MICA: variants seen among roughly 807,000 people sequenced by gnomAD.
The protein encoded by MICA is HLA class I antigen.
In MICA, 18 loss-of-function variants were observed where a neutral mutation model predicts 34.3. The ratio of observed to expected loss-of-function variants is 0.52; its 90% CI spans 0.36 to 0.78. The LOEUF is 0.78. MICA is among the 30% of genes least tolerant of loss of function. The probability of loss-of-function intolerance (pLI) is 0.00; values close to 1 mark genes in which losing one functional copy is unlikely to be tolerated. For synonymous variants in MICA, 135 were observed against 156.9 expected (o/e 0.86, Z 1.04); for missense variants, 333 against 409.4 (o/e 0.81, Z 1.61).
In MICA at chr6:31,410,549, A is replaced by G. The variant is rs1360935232; in HGVS notation, c.77A>G (p.His26Arg). 6.2e-7 allele frequency: 1 copy of G among 1,611,870 alleles called. No homozygotes were observed. The highest frequency in any genetic ancestry group is 8.5e-7 in the Non-Finnish European group (1 of 1,179,642). Reference protein sequence around the residue: ...FAPPGAAAEPHSLRYNLTVLS... With the variant: ...FAPPGAAAEPRSLRYNLTVLS... ...GTGATTTCCTCTTCCCCAGAGCCCC[A>G]CAGTCTTCGTTATAACCTCACGGTG... The change falls in exon 2 of 6, where the codon CAC (histidine) becomes CGC (arginine). Residue 26 changes from histidine (H) to arginine (R), a missense_variant. Coordinates refer to ENST00000449934, the MANE Select transcript of MICA (RefSeq NM_001177519.3).
At position 31,403,676 on chromosome 6, in the gene MICA, CT is replaced by C; in HGVS notation, c.48del (p.Phe16LeufsTer74). The part of the protein sequence containing the change: ...PVFLLLAGIF[P>X]FAPPGAAAEP... ...TTTCTGCTTCTGGCTGGCATCTTCC[CT>C]TTTGCACCTCCGGGAGCTGCTGCTG... is the stretch of plus-strand genomic sequence containing the variant. On this transcript the variant is annotated frameshift_variant, in exon 1 of 6. Coordinates refer to ENST00000449934, the MANE Select transcript of MICA (RefSeq NM_001177519.3). LOFTEE classifies it high-confidence loss of function. This position sits in a 1 kb window ranked among gnomAD's most constrained non-coding sequence, Gnocchi z 4.7. The C allele has an allele frequency of 1.3e-6, 2 of 1,533,994 alleles. No homozygotes were observed. Among genetic ancestry groups the C allele is most frequent in the Non-Finnish European group, 1.8e-6 (2 of 1,140,854 alleles).
chr6:31,410,894 C>T, intron 2 of MICA, 97 bp downstream of exon 2: 2 of 1,489,372 alleles, frequency 1.3e-6, no homozygotes, highest in Non-Finnish European at 1.8e-6. Context: ...GGATCTGGCT[C>T]AGGCTGGGGG....
rs772232658 is a variant in MICA, at chr6:31,412,490, G to A, written c.*29+30G>A. 59 of 1,410,148 alleles carry A rather than the reference G, an allele frequency of 4.2e-5. 1 individual carries two copies. The highest frequency in any genetic ancestry group is 5.2e-5 in the Non-Finnish European group (53 of 1,021,780). The allele number at this position is 1,410,148 out of a possible 1,614,324, so 87.4% of individuals were successfully genotyped here. ...GAAAAGCGGGCAGTTTCTGGAGATG[G>A]TAAGGCCCCTGTCTGGGCAGTAGGG... On this transcript the variant is annotated intron_variant, in intron 5 of 5. Transcript: ENST00000449934.
At chr6:31,409,315 G>A (rs1770939431) in intron 1 of MICA, among the ~76,000 whole-genome samples, 1 of 151,472 alleles carries the variant, frequency 6.6e-6, no homozygotes, top group Non-Finnish European at 1.5e-5. Flanking sequence ...TGCTCTGTGT[G>A]TGTGTGTATG....
chr6:31,415,271 CA>C lies in MICA; in HGVS notation c.*293del. 1 of 529,594 alleles carries C rather than the reference CA, an allele frequency of 1.9e-6. No homozygotes were observed. Among genetic ancestry groups the C allele is most frequent in the East Asian group, 3.6e-5 (1 of 27,608 alleles). The allele number at this position is 529,594 out of a possible 1,614,324, so 32.8% of individuals were successfully genotyped here. ...ACTTATTTATTGTTGTTGGAGGCTG[CA>C]AAATGTTAGTAGATATGAGGCATTT... On this transcript the variant is annotated 3_prime_UTR_variant, in exon 6 of 6. Coordinates refer to ENST00000449934, the MANE Select transcript of MICA (RefSeq NM_001177519.3).
upstream of MICA, among the ~76,000 whole-genome samples, chr6:31,403,247 T>C (rs1342298619): frequency 6.6e-6 from 1 of 151,644 alleles, no homozygotes; most frequent in Non-Finnish European, 1.5e-5. This position sits in a 1 kb window ranked among gnomAD's most constrained non-coding sequence, Gnocchi z 4.7. Context: ...CGAAAGGGGC[T>C]TGGTGAGGCC....
At chr6:31,410,425 C>T in intron 1 of MICA, 118 bp from the exon 2 acceptor site, 1 of 1,306,736 alleles carries the variant, frequency 7.7e-7, no homozygotes, top group Non-Finnish European at 1.0e-6. Context: ...TCGTTCTTGT[C>T]CCTTTGCCCG....
intron 1 of MICA, among the ~76,000 whole-genome samples, chr6:31,409,324 T>G (rs1199383699): frequency 6.6e-6 from 1 of 151,632 alleles, no homozygotes; most frequent in Non-Finnish European, 1.5e-5. Context: ...TGTGTGTGTA[T>G]GTGTGTGTGT....
intron 1 of MICA, among the ~76,000 whole-genome samples, chr6:31,409,799 T>G (rs115508479): frequency 6.6e-6 from 1 of 151,822 alleles, no homozygotes; most frequent in Non-Finnish European, 1.5e-5. Context: ...TTGTATATAG[T>G]GCAAATTAAG....
chr6:31,408,369 T>C (rs914654620), intron 1 of MICA, among the ~76,000 whole-genome samples: 1 of 152,004 alleles, frequency 6.6e-6, no homozygotes, highest in Non-Finnish European at 1.5e-5. Context: ...GTAAAATGAG[T>C]TTGGAAGTAT....
upstream of MICA, among the ~76,000 whole-genome samples, chr6:31,402,547 G>T (rs891579072): frequency 2.0e-5 from 3 of 151,836 alleles, no homozygotes; most frequent in African/African-American, 7.3e-5. Flanking sequence ...AACTGAGGCA[G>T]GCACCGTGTT....
chr6:31,412,941 G>A (rs6933939), intron 5 of MICA, among the ~76,000 whole-genome samples: 32,614 of 151,352 alleles, frequency 0.22, 4,145 homozygotes, highest in African/African-American at 0.31. Flanking sequence ...CCCCTCCCCT[G>A]TTTCTCCAGC....
chr6:31,406,842 G>A (rs866595363), intron 1 of MICA, among the ~76,000 whole-genome samples: 18 of 151,838 alleles, frequency 1.2e-4, no homozygotes, highest in African/African-American at 3.9e-4. Context: ...TGGTACCTTT[G>A]TTGGAAATGA....
At chr6:31,406,982 A>G (rs138041798) in intron 1 of MICA, among the ~76,000 whole-genome samples, 145 of 151,908 alleles carry the variant, frequency 9.5e-4, no homozygotes, top group African/African-American at 3.4e-3. Context: ...AAGTCAGATA[A>G]TGTGATTCCT....
chr6:31,403,057 C>T (rs1770527473), upstream of MICA, among the ~76,000 whole-genome samples: 2 of 151,930 alleles, frequency 1.3e-5, no homozygotes, highest in African/African-American at 2.4e-5. This position sits in a 1 kb window ranked among gnomAD's most constrained non-coding sequence, Gnocchi z 4.7. Context: ...GGTTCTACTG[C>T]GGCAGGTGCT....
chr6:31,403,462 AT>A (rs1163790776), upstream of MICA: 1 of 551,424 alleles, frequency 1.8e-6, no homozygotes, highest in East Asian at 3.5e-5. This position sits in a 1 kb window ranked among gnomAD's most constrained non-coding sequence, Gnocchi z 4.7. Flanking sequence ...GCCCACTGGA[AT>A]TTTCTCTTCC....
intron 1 of MICA, among the ~76,000 whole-genome samples, chr6:31,410,110 C>G (rs117030944): frequency 0.06 from 8,072 of 134,972 alleles, 313 homozygotes; most frequent in South Asian, 0.18. Flanking sequence ...GAGGCAGCTC[C>G]CCTTGCCTCC....
At chr6:31,410,401 T>C (rs1771033378) in intron 1 of MICA, 142 bp from the exon 2 acceptor site, 1 of 1,111,224 alleles carries the variant, frequency 9.0e-7, no homozygotes, top group Non-Finnish European at 1.3e-6. Context: ...CAGTTTTCTT[T>C]GTATATGAAA....
At chr6:31,408,756 C>A (rs1770891229) in intron 1 of MICA, among the ~76,000 whole-genome samples, 1 of 151,934 alleles carries the variant, frequency 6.6e-6, no homozygotes, top group African/African-American at 2.4e-5. Flanking sequence ...GGATTTCCAG[C>A]ACTTTGGGAG....
Sources: allele counts gnomAD v4.1 joint callset (sites outside exome capture counted in the v4.1 genomes callset), GRCh38; gene constraint gnomAD v4.1.1; non-coding constraint Gnocchi (gnomAD v3.1); transcripts MANE v1.5; gene names NCBI Gene and HGNC (gene_info 2026-07-23, HGNC 2026-07-21).